SDK1: variants seen among roughly 807,000 people sequenced by gnomAD.
SDK1 encodes protein sidekick-1.
Under a neutral mutation model 245.5 loss-of-function variants are expected in SDK1, and 157 were observed. The observed-to-expected ratio is 0.64, with a 90% CI of 0.56 to 0.73. The LOEUF is 0.73. Among genes scored for constraint, SDK1 ranks in the 30% least tolerant of loss-of-function variants. The pLI, the probability that SDK1 is intolerant of heterozygous loss-of-function variation, is 0.00. For synonymous variants in SDK1, 1,647 were observed against 1,278.5 expected (o/e 1.29, Z -6.15); for missense variants, 3,583 against 3,002.3 (o/e 1.19, Z -4.52).
At chr7:3,970,677 C>A (rs184773403) in intron 11 of SDK1, among the ~76,000 whole-genome samples, 1 of 152,228 alleles carries the variant, frequency 6.6e-6, no homozygotes, top group Non-Finnish European at 1.5e-5. Flanking sequence ...ACTGGGATAA[C>A]GCTTTGGTGG....
At chr7:3,662,879 G>C (rs897195710) in intron 4 of SDK1, among the ~76,000 whole-genome samples, 6 of 152,178 alleles carry the variant, frequency 3.9e-5, no homozygotes, top group Non-Finnish European at 8.8e-5. Context: ...GCTTAACCCA[G>C]TATGCATTAT....
chr7:3,891,279 G>A (rs879835477), intron 5 of SDK1, among the ~76,000 whole-genome samples: 1 of 152,048 alleles, frequency 6.6e-6, no homozygotes, highest in Non-Finnish European at 1.5e-5. Context: ...TCCCGGGGAG[G>A]ACTTTCCAGG....
At chr7:4,075,463 C>T (rs147071396) in intron 20 of SDK1, among the ~76,000 whole-genome samples, 31 of 152,290 alleles carry the variant, frequency 2.0e-4, no homozygotes, top group African/African-American at 6.7e-4. Flanking sequence ...CCTAGCGCTT[C>T]TATATCCCTG....
intron 1 of SDK1, among the ~76,000 whole-genome samples, chr7:3,566,720 C>CA (rs908670320): frequency 0.043 from 3,141 of 72,366 alleles, 88 homozygotes; most frequent in African/African-American, 0.12. Context: ...AAACTACTGC[C>CA]AAAAAAAAAA....
At chr7:3,714,973 A>G (rs538708446) in intron 4 of SDK1, among the ~76,000 whole-genome samples, 3 of 152,340 alleles carry the variant, frequency 2.0e-5, no homozygotes, top group South Asian at 4.1e-4. Context: ...TTGTGATTCA[A>G]TATTATGTAG....
At chr7:4,129,515 C>G (rs975459663) in intron 26 of SDK1, among the ~76,000 whole-genome samples, 1 of 152,254 alleles carries the variant, frequency 6.6e-6, no homozygotes. Context: ...GGGCAGGAAA[C>G]CAGCTTCCAT....
In SDK1 at chr7:4,119,057, T is replaced by C. The variant is rs1311079650; in HGVS notation, c.3823+4783T>C. Reference sequence around the variant, plus strand: ...CACTAAAAAATGTTGAATTGTACAATTTAGGGGAATTGTATGATATATTAA... The same window carrying C: ...CACTAAAAAATGTTGAATTGTACAACTTAGGGGAATTGTATGATATATTAA... On this transcript the variant is annotated intron_variant, in intron 25 of 44. Transcript: ENST00000404826. Among the ~76,000 whole-genome samples, 4 of 148,444 alleles carry C rather than the reference T, an allele frequency of 2.7e-5. 1 individual carries two copies. Among genetic ancestry groups the C allele is most frequent in the African/African-American group, 4.9e-5 (2 of 40,586 alleles).
chr7:3,845,031 A>G (rs1780242139), intron 5 of SDK1, among the ~76,000 whole-genome samples: 1 of 152,184 alleles, frequency 6.6e-6, no homozygotes, highest in Non-Finnish European at 1.5e-5. Flanking sequence ...ACGCTTAACT[A>G]CCTGGAGCAG....
intron 1 of SDK1, among the ~76,000 whole-genome samples, chr7:3,577,499 T>G (rs1780332026): frequency 1.3e-5 from 2 of 151,974 alleles, no homozygotes; most frequent in Non-Finnish European, 2.9e-5. Context: ...CTTTTCATGC[T>G]CTTCCCTCTT....
At chr7:4,003,490 G>C (rs780926318) in intron 14 of SDK1, among the ~76,000 whole-genome samples, 1 of 152,082 alleles carries the variant, frequency 6.6e-6, no homozygotes, top group Non-Finnish European at 1.5e-5. Context: ...CGTCTTTCCC[G>C]CTCTGTTGCA....
intron 1 of SDK1, among the ~76,000 whole-genome samples, chr7:3,428,767 G>C (rs1432729514): frequency 6.6e-6 from 1 of 151,716 alleles, no homozygotes; most frequent in African/African-American, 2.4e-5. Context: ...TGAATCAAGA[G>C]TCCCCAGCCT....
chr7:3,311,089 A>T (rs1031655728), intron 1 of SDK1, among the ~76,000 whole-genome samples: 3 of 152,086 alleles, frequency 2.0e-5, no homozygotes, highest in African/African-American at 7.2e-5. Context: ...TCACGGTAGT[A>T]GAGTGGGGAG....
intron 4 of SDK1, among the ~76,000 whole-genome samples, chr7:3,661,847 A>G (rs1783370166): frequency 6.6e-6 from 1 of 152,060 alleles, no homozygotes; most frequent in Non-Finnish European, 1.5e-5. Context: ...CCTGTTGTGT[A>G]AAGCTGGTGT....
chr7:3,680,010 T>G (rs931448392), intron 4 of SDK1, among the ~76,000 whole-genome samples: 3 of 47,498 alleles, frequency 6.3e-5, no homozygotes, highest in African/African-American at 1.4e-4. Context: ...TATTTGAGAT[T>G]AGTAAAAAAA....
chr7:3,428,260 T>A (rs1364972196), intron 1 of SDK1, among the ~76,000 whole-genome samples: 1 of 152,210 alleles, frequency 6.6e-6, no homozygotes, highest in Non-Finnish European at 1.5e-5. Context: ...GTTTCTTTTA[T>A]GTAATTATTA....
At chr7:3,953,837 C>T (rs1275429261) in intron 7 of SDK1, among the ~76,000 whole-genome samples, 1 of 152,206 alleles carries the variant, frequency 6.6e-6, no homozygotes, top group Non-Finnish European at 1.5e-5. Context: ...GTTAAATCCC[C>T]TTTTATTCAT....
chr7:3,403,859 A>AATATATATAT (rs1554266461), intron 1 of SDK1, among the ~76,000 whole-genome samples: 7 of 104,136 alleles, frequency 6.7e-5, no homozygotes, highest in Non-Finnish European at 1.3e-4. Context: ...ATATATATAT[A>AATATATATAT]TATATATATA....
At chr7:4,022,755 T>C (rs1787009517) in intron 17 of SDK1, among the ~76,000 whole-genome samples, 1 of 151,310 alleles carries the variant, frequency 6.6e-6, no homozygotes. Flanking sequence ...CACTCCTCGT[T>C]TTTCTTTTCT....
At position 4,262,470 on chromosome 7, in the gene SDK1, A is replaced by C. The variant is rs113443546; in HGVS notation, c.6382-2654A>C. 5.5e-4 allele frequency among the ~76,000 whole-genome samples: 84 copies of C among 151,958 alleles called. 1 individual carries two copies. The highest frequency in any genetic ancestry group is 1.9e-3 in the African/African-American group (77 of 41,452). ...CTGATTTATTTTATAAAAAGGAAAA[A>C]AAAAAGCCTCAAAGGGACTGATCTT... On this transcript the variant is annotated intron_variant, in intron 44 of 44. Coordinates refer to ENST00000404826, the MANE Select transcript of SDK1 (RefSeq NM_152744.4).
Sources: allele counts gnomAD v4.1 joint callset (sites outside exome capture counted in the v4.1 genomes callset), GRCh38; gene constraint gnomAD v4.1.1; transcripts MANE v1.5; gene names NCBI Gene and HGNC (gene_info 2026-07-23, HGNC 2026-07-21).